Variants in PAXBP1 observed in about 807,000 individuals in gnomAD.
PAXBP1 encodes the protein PAX3- and PAX7-binding protein 1.
Under a neutral mutation model 119.9 loss-of-function variants are expected in PAXBP1, and 44 were observed. That is an observed-to-expected ratio of 0.37 (90% confidence interval 0.29 to 0.47). The LOEUF (loss-of-function observed/expected upper bound fraction) is 0.47, where lower values mean the gene tolerates loss of function less well. Ranked by LOEUF, PAXBP1 falls within the 20% of genes least tolerant of loss-of-function variation. PAXBP1 has a pLI of 0.99. For missense variants in PAXBP1, 898 were observed against 1,134.1 expected, an observed-to-expected ratio of 0.79 and a Z score of 2.99; for synonymous variants, 393 against 406.6, an observed-to-expected ratio of 0.97 and a Z score of 0.40.
At chr21:32,748,419 GC>G in intron 11 of PAXBP1, 79 bp downstream of exon 11, 1 of 1,420,438 alleles carries the variant, frequency 7.0e-7, no homozygotes, top group Non-Finnish European at 9.6e-7. Flanking sequence ...TTTTGCTTAA[GC>G]TTACATCTCT....
rs777576244 is a variant in PAXBP1 at position 32,771,417 on chromosome 21, C to T, written c.252G>A (p.Glu84=). ...EAGGGFPGGA[E]PGNGLKPRKR... is the part of the protein sequence containing the mutation. ...TGCGCGGCTTCAGCCCGTTGCCGGGCTCCGCGCCGCCGGGGAAGCCGCCCC... is the reference window on the plus strand; with the variant it reads ...TGCGCGGCTTCAGCCCGTTGCCGGGTTCCGCGCCGCCGGGGAAGCCGCCCC... Residue 84 remains glutamate, a synonymous_variant, in exon 1 of 18, where the codon GAG becomes GAA. Coordinates refer to ENST00000331923, the MANE Select transcript of PAXBP1 (RefSeq NM_016631.4). 6.5e-6 allele frequency: 10 copies of T among 1,542,774 alleles called. No individual in the cohort carries two copies. Among genetic ancestry groups the T allele is most frequent in the Non-Finnish European group, 8.7e-6 (10 of 1,154,618 alleles).
intron 3 of PAXBP1, among the ~76,000 whole-genome samples, chr21:32,762,751 T>G (rs1601606893): frequency 1.3e-5 from 2 of 151,590 alleles, no homozygotes; most frequent in East Asian, 3.9e-4. Flanking sequence ...AAACCCCATC[T>G]CTACAAAAAA....
intron 3 of PAXBP1, among the ~76,000 whole-genome samples, chr21:32,763,899 A>G (rs1191408789): frequency 6.6e-6 from 1 of 151,824 alleles, no homozygotes. Context: ...AGGCAGGAGA[A>G]TCGCTTGAAC....
At chr21:32,748,436 T>G in intron 11 of PAXBP1, 63 bp downstream of exon 11, 4 of 1,500,692 alleles carry the variant, frequency 2.7e-6, no homozygotes, top group Non-Finnish European at 3.6e-6. Flanking sequence ...TCTCTAGCTT[T>G]GAGATTAAAA....
intron 1 of PAXBP1, among the ~76,000 whole-genome samples, chr21:32,770,913 T>G (rs2044328634): frequency 6.6e-6 from 1 of 152,166 alleles, no homozygotes; most frequent in Non-Finnish European, 1.5e-5. Context: ...GCCTTCATGG[T>G]CGAGGATGCC....
In PAXBP1 at chr21:32,745,962, G is replaced by A. The variant is rs1053328466; in HGVS notation, c.1924-244C>T. ...GAATAGAGAACTCAGCAATAAGACC[G>A]CACACCTACAACCATCTGATCTCCG... is the stretch of plus-strand genomic sequence containing the variant. On this transcript the variant is annotated intron_variant, in intron 11 of 17. Coordinates refer to ENST00000331923, the MANE Select transcript of PAXBP1 (RefSeq NM_016631.4). Among the ~76,000 whole-genome samples, 25 of 152,012 alleles carry A rather than the reference G, an allele frequency of 1.6e-4. 1 individual carries two copies. Among genetic ancestry groups the A allele is most frequent in the African/African-American group, 4.6e-4 (19 of 41,382 alleles).
At chr21:32,766,121 C>A (rs541966533) in intron 2 of PAXBP1, among the ~76,000 whole-genome samples, 1 of 152,082 alleles carries the variant, frequency 6.6e-6, no homozygotes, top group Non-Finnish European at 1.5e-5. Context: ...AGCAACAGAA[C>A]GAGATTCCAC....
intron 7 of PAXBP1, chr21:32,756,025 A>C (rs754682034): frequency 1.4e-5 from 3 of 207,742 alleles, no homozygotes; most frequent in Non-Finnish European, 2.9e-5. Context: ...TCTTCCTGTC[A>C]AATGTTTAAA....
chr21:32,753,057 G>A (rs1043824731), intron 8 of PAXBP1, among the ~76,000 whole-genome samples: 3 of 152,002 alleles, frequency 2.0e-5, no homozygotes, highest in African/African-American at 7.3e-5. Context: ...AGATTTCCCA[G>A]CCCTAGATGT....
chr21:32,771,713 GC>G lies in PAXBP1; in HGVS notation c.-46del. The G allele has an allele frequency of 7.5e-7, 1 of 1,336,976 alleles. No homozygotes were observed. Among genetic ancestry groups the G allele is most frequent in the South Asian group, 1.8e-5 (1 of 56,950 alleles). 82.8% of individuals were successfully genotyped at this position (1,336,976 alleles called of 1,614,324 possible). ...GTCGAATACTCGCTTCCACACCGCGGCCCCGGCAGCGCCGAGCTCGTGACGG... is the reference window on the plus strand; with the variant it reads ...GTCGAATACTCGCTTCCACACCGCGGCCCGGCAGCGCCGAGCTCGTGACGG... On this transcript the variant is annotated 5_prime_UTR_variant, in exon 1 of 18. Transcript: ENST00000331923.
intron 16 of PAXBP1, among the ~76,000 whole-genome samples, chr21:32,737,640 C>T (rs1469992717): frequency 6.6e-6 from 1 of 152,202 alleles, no homozygotes; most frequent in African/African-American, 2.4e-5. Flanking sequence ...AAAAGATAAT[C>T]TGTCCAATAT....
chr21:32,750,998 T>C lies in PAXBP1; in HGVS notation c.1642A>G (p.Lys548Glu), dbSNP rs1267339646. The C allele has an allele frequency of 6.8e-6, 11 of 1,614,082 alleles. No homozygotes were observed. Among genetic ancestry groups the C allele is most frequent in the East Asian group, 2.2e-5 (1 of 44,894 alleles). The change falls in exon 10 of 18, where the codon AAG becomes GAG. Residue 548 changes from lysine (K) to glutamate (E), a missense_variant. Physicochemically the swap from Lys to Glu is moderately conservative, Grantham distance 56. Coordinates refer to ENST00000331923, the MANE Select transcript of PAXBP1 (RefSeq NM_016631.4). ...AGGCCTTCAAGGTGATCTGCCATCT[T>C]ACCGGTTTGTTCTCTGGCTTGTCTA... is the stretch of plus-strand genomic sequence containing the variant. ...RRRQAREQTG[K>E]MADHLEGLSS...
intron 1 of PAXBP1, among the ~76,000 whole-genome samples, chr21:32,770,740 C>T (rs948778312): frequency 1.3e-5 from 2 of 152,150 alleles, no homozygotes; most frequent in African/African-American, 4.8e-5. Context: ...CTTCACTGTT[C>T]CCAAAGTCAG....
At chr21:32,743,614 T>C in intron 14 of PAXBP1, 64 bp downstream of exon 14, 1 of 1,265,852 alleles carries the variant, frequency 7.9e-7, no homozygotes, top group Admixed American at 2.0e-5. Flanking sequence ...TTTTCAGAAT[T>C]TTATAAGCCT....
chr21:32,762,124 T>C lies in PAXBP1; in HGVS notation c.843A>G (p.Ser281=). Residue 281 remains serine (S), a synonymous_variant, in exon 4 of 18, where the codon TCA becomes TCG. Coordinates refer to ENST00000331923, the MANE Select transcript of PAXBP1 (RefSeq NM_016631.4). ...TTTCCTCAGCAATTTTTTGTCTTTG[T>C]GACTTTTCTTTCACAGAAAAAACTA... is the stretch of plus-strand genomic sequence containing the variant. ...RRIVFSVKEK[S]QRQKIAEEIG... 6.2e-7 allele frequency: 1 copy of C among 1,614,242 alleles called. No individual in the cohort carries two copies. The highest frequency in any genetic ancestry group is 2.2e-5 in the East Asian group (1 of 44,890).
intron 15 of PAXBP1, chr21:32,742,989 A>T: frequency 1.7e-6 from 1 of 578,774 alleles, no homozygotes; most frequent in South Asian, 1.5e-5. Flanking sequence ...CTACTTGCTG[A>T]AAAAATTAAT....
intron 10 of PAXBP1, among the ~76,000 whole-genome samples, chr21:32,750,330 T>C (rs1430525229): frequency 6.6e-6 from 1 of 152,232 alleles, no homozygotes; most frequent in East Asian, 1.9e-4. Flanking sequence ...ATGATCACTG[T>C]GCTAGTCTTT....
chr21:32,770,013 CTTACG>C (rs746844091), intron 1 of PAXBP1, 71 bp from the exon 2 acceptor site: 244 of 1,180,286 alleles, frequency 2.1e-4, no homozygotes, highest in Non-Finnish European at 2.4e-4. Flanking sequence ...TTCACATGAT[CTTACG>C]TGCTGTCCAA....
intron 8 of PAXBP1, among the ~76,000 whole-genome samples, chr21:32,752,725 C>A (rs367859886): frequency 6.6e-6 from 1 of 152,114 alleles, no homozygotes; most frequent in African/African-American, 2.4e-5. Context: ...CTGCAACCTC[C>A]GCCGCCCAGG....
Sources: gnomAD v4.1 joint callset for allele counts (sites outside exome capture counted in the v4.1 genomes callset) on GRCh38, gnomAD v4.1.1 for gene constraint, MANE v1.5 for transcripts, NCBI Gene and HGNC (gene_info 2026-07-23, HGNC 2026-07-21) for gene names.